Variants in UNC5D observed in about 807,000 individuals in gnomAD.
The protein encoded by UNC5D is unc-5 netrin receptor D.
UNC5D carries 39 observed loss-of-function variants against 105.4 expected under a neutral mutation model. That is an observed-to-expected ratio of 0.37 (90% CI 0.29 to 0.48). The LOEUF (loss-of-function observed/expected upper bound fraction) is 0.48. Ranked by LOEUF, UNC5D falls within the 20% of genes least tolerant of loss-of-function variation. UNC5D has a pLI of 0.98. For missense variants in UNC5D, 991 were observed against 1,202.4 expected, an observed-to-expected ratio of 0.82 and a Z score of 2.60; for synonymous variants, 452 against 450.4, an observed-to-expected ratio of 1.00 and a Z score of -0.04.
intron 1 of UNC5D, among the ~76,000 whole-genome samples, chr8:35,305,304 G>A (rs1259694165): frequency 2.0e-5 from 3 of 152,040 alleles, no homozygotes; most frequent in Non-Finnish European, 4.4e-5. Flanking sequence ...TTTAGAGTTG[G>A]TAAGTTCTCA....
At chr8:35,673,954 T>C (rs1236257927) in intron 4 of UNC5D, among the ~76,000 whole-genome samples, 2 of 152,158 alleles carry the variant, frequency 1.3e-5, no homozygotes, top group Non-Finnish European at 1.5e-5. Flanking sequence ...CCCCAGATAA[T>C]GTTCAGGGGG....
rs1801799198 is a variant in UNC5D at position 35,766,939 on chromosome 8, A to G, written c.2351A>G (p.Gln784Arg). ...PFSRVWCSNR[Q>R]PLHCAFSLER... ...TCCCGCGTGTGGTGCAGTAACCGGC[A>G]GCCCCTGCACTGTGCCTTCTCCCTG... The change falls in exon 15 of 17, where the codon CAG becomes CGG. Residue 784 changes from glutamine (Q) to arginine (R), a missense_variant. Physicochemically the swap from Gln to Arg is conservative, Grantham distance 43. Around this residue, in one of 3 missense-constraint regions of UNC5D, gnomAD observed 944 missense variants for 1,131.6 expected, o/e 0.83. Transcript: ENST00000404895. 6.2e-7 allele frequency: 1 copy of G among 1,613,872 alleles called. No homozygotes were observed. Among genetic ancestry groups the G allele is most frequent in the Non-Finnish European group, 8.5e-7 (1 of 1,179,878 alleles).
chr8:35,641,386 G>GAAAAAAAAAAAAAAAAAAAA (rs1209560462), intron 4 of UNC5D, among the ~76,000 whole-genome samples: 6 of 91,844 alleles, frequency 6.5e-5, no homozygotes, highest in Non-Finnish European at 1.1e-4. Context: ...AAAAAAAAAA[G>GAAAAAAAAAAAAAAAAAAAA]AAAAAAAAAA....
At chr8:35,321,104 T>G (rs1423362514) in intron 1 of UNC5D, among the ~76,000 whole-genome samples, 1 of 152,132 alleles carries the variant, frequency 6.6e-6, no homozygotes, top group African/African-American at 2.4e-5. Flanking sequence ...TGCATCAGCT[T>G]TATTGTTCTA....
intron 1 of UNC5D, among the ~76,000 whole-genome samples, chr8:35,391,507 G>T (rs576330144): frequency 4.6e-4 from 70 of 151,826 alleles, no homozygotes; most frequent in Admixed American, 3.3e-3. Context: ...GTCTATTCTG[G>T]GTCCATGCCC....
chr8:35,415,212 C>G (rs1489919026), intron 1 of UNC5D, among the ~76,000 whole-genome samples: 2 of 152,158 alleles, frequency 1.3e-5, no homozygotes, highest in Admixed American at 6.5e-5. Flanking sequence ...TGTAATTGAT[C>G]AAGACATAAT....
intron 8 of UNC5D, among the ~76,000 whole-genome samples, chr8:35,715,797 A>T: frequency 6.6e-6 from 1 of 152,142 alleles, no homozygotes; most frequent in East Asian, 1.9e-4. Flanking sequence ...GGGAACAGAA[A>T]AAAAAAAGAA....
chr8:35,313,019 T>C (rs1168646400), intron 1 of UNC5D, among the ~76,000 whole-genome samples: 14 of 152,200 alleles, frequency 9.2e-5, no homozygotes, highest in Non-Finnish European at 1.6e-4. Flanking sequence ...CACATTAAAA[T>C]AACTCAACAA....
chr8:35,505,576 TAAACTC>T (rs1298767225), intron 1 of UNC5D, among the ~76,000 whole-genome samples: 2 of 152,138 alleles, frequency 1.3e-5, no homozygotes, highest in Admixed American at 6.5e-5. Flanking sequence ...ATGTAAATAA[TAAACTC>T]AAAGATGTGG....
At chr8:35,700,461 G>GA (rs1461744846) in intron 7 of UNC5D, among the ~76,000 whole-genome samples, 4 of 151,334 alleles carry the variant, frequency 2.6e-5, no homozygotes, top group South Asian at 2.1e-4. Context: ...TTAATTTTTG[G>GA]AAAAAAAATA....
chr8:35,544,696 G>A (rs759466628), intron 1 of UNC5D, among the ~76,000 whole-genome samples: 53 of 146,528 alleles, frequency 3.6e-4, no homozygotes, highest in Non-Finnish European at 6.0e-4. Context: ...TCTGCCTTCC[G>A]GGTACAAGTG....
chr8:35,284,675 C>T (rs1053344209), intron 1 of UNC5D, among the ~76,000 whole-genome samples: 1 of 152,134 alleles, frequency 6.6e-6, no homozygotes, highest in Non-Finnish European at 1.5e-5. Context: ...CTGCCTCAGC[C>T]TCCTGGATAG....
intron 3 of UNC5D, among the ~76,000 whole-genome samples, chr8:35,586,185 A>G (rs184026907): frequency 6.6e-6 from 1 of 152,230 alleles, no homozygotes; most frequent in African/African-American, 2.4e-5. Flanking sequence ...GAGACAAGAC[A>G]ATCACTTGAA....
chr8:35,636,698 C>T (rs1362957535), intron 4 of UNC5D, among the ~76,000 whole-genome samples: 4 of 152,158 alleles, frequency 2.6e-5, no homozygotes, highest in African/African-American at 9.7e-5. Flanking sequence ...GTAGGGGAGA[C>T]TCCCTCATCA....
chr8:35,419,498 T>C (rs1475605656), intron 1 of UNC5D, among the ~76,000 whole-genome samples: 1 of 152,154 alleles, frequency 6.6e-6, no homozygotes, highest in Admixed American at 6.5e-5. Flanking sequence ...ACCAGAAAAC[T>C]TGGAGAGTCC....
chr8:35,726,629 C>G, intron 10 of UNC5D, 100 bp downstream of exon 10: 1 of 1,517,980 alleles, frequency 6.6e-7, no homozygotes, highest in Non-Finnish European at 8.8e-7. Context: ...TTTACTCTCC[C>G]CTCATCAGAC....
intron 16 of UNC5D, among the ~76,000 whole-genome samples, chr8:35,776,840 G>A (rs1291354918): frequency 6.6e-6 from 1 of 152,090 alleles, no homozygotes; most frequent in Non-Finnish European, 1.5e-5. Flanking sequence ...TATATAGCCC[G>A]GCTCACATCT....
At chr8:35,477,324 G>A (rs1255423176) in intron 1 of UNC5D, among the ~76,000 whole-genome samples, 2 of 151,380 alleles carry the variant, frequency 1.3e-5, no homozygotes, top group Admixed American at 6.6e-5. Context: ...GAGACTCATA[G>A]TATTTTATTT....
chr8:35,436,034 T>C (rs1221063732), intron 1 of UNC5D, among the ~76,000 whole-genome samples: 1 of 152,100 alleles, frequency 6.6e-6, no homozygotes, highest in Non-Finnish European at 1.5e-5. Flanking sequence ...CTTAAATATT[T>C]ATACTTGGCA....
Sources: allele counts gnomAD v4.1 joint callset (sites outside exome capture counted in the v4.1 genomes callset), GRCh38; gene constraint gnomAD v4.1.1; regional missense constraint gnomAD v4.1.1; transcripts MANE v1.5; gene names NCBI Gene and HGNC (gene_info 2026-07-23, HGNC 2026-07-21).